CMSS1: variants seen among roughly 807,000 people sequenced by gnomAD.
The protein encoded by CMSS1 is protein CMSS1.
CMSS1 carries 33 observed loss-of-function variants against 43.5 expected under a neutral mutation model. The ratio of observed to expected loss-of-function variants is 0.76; its 90% CI spans 0.57 to 1.01. The LOEUF (loss-of-function observed/expected upper bound fraction) is 1.01, where lower values mean the gene tolerates loss of function less well. CMSS1 is among the 50% of genes least tolerant of loss of function. CMSS1 has a pLI of 0.00. For synonymous variants in CMSS1, 115 were observed against 117.2 expected (o/e 0.98, Z 0.12); for missense variants, 313 against 326.4 (o/e 0.96, Z 0.32).
Position 99,886,074 on chromosome 3 carries a change from A to T in CMSS1, c.64+68031A>T, listed in dbSNP as rs535894145. Reference sequence around the variant, plus strand: ...TACACTTTCCTTTCTATATCAAGGAAGGTGGAATATTCAAACAGAACACTC... The same window carrying T: ...TACACTTTCCTTTCTATATCAAGGATGGTGGAATATTCAAACAGAACACTC... On this transcript the variant is annotated intron_variant, in intron 1 of 9. Coordinates refer to ENST00000421999, the MANE Select transcript of CMSS1 (RefSeq NM_032359.4). Among the ~76,000 whole-genome samples, 14 of 152,378 alleles carry T rather than the reference A, an allele frequency of 9.2e-5. No individual in the cohort carries two copies. The South Asian group carries it at 2.1e-3, about 23-fold the overall frequency.
intron 1 of CMSS1, among the ~76,000 whole-genome samples, chr3:99,865,205 G>A (rs1157650125): frequency 3.9e-5 from 6 of 152,086 alleles, no homozygotes; most frequent in South Asian, 2.1e-4. Flanking sequence ...AGGTATTACC[G>A]TCTTCTTATT....
intron 1 of CMSS1, among the ~76,000 whole-genome samples, chr3:100,053,402 C>T (rs1327135238): frequency 6.6e-6 from 1 of 152,138 alleles, no homozygotes; most frequent in Non-Finnish European, 1.5e-5. Flanking sequence ...CCTTGGCATT[C>T]CTTGGCTTGT....
intron 1 of CMSS1, among the ~76,000 whole-genome samples, chr3:99,998,430 T>C (rs1193605987): frequency 1.3e-5 from 2 of 152,208 alleles, no homozygotes; most frequent in African/African-American, 4.8e-5. Context: ...GTAAACTATA[T>C]ATACGTACTC....
chr3:99,910,339 G>C lies in CMSS1; in HGVS notation c.64+92296G>C, dbSNP rs1201506022. 1.5e-5 allele frequency among the ~76,000 whole-genome samples: 2 copies of C among 136,806 alleles called. 1 individual carries two copies. Among genetic ancestry groups the C allele is most frequent in the Non-Finnish European group, 3.3e-5 (2 of 59,796 alleles). The allele number at this position is 136,806 out of a possible 152,430, so 89.8% of individuals were successfully genotyped here. ...GGTTTGGGACACACTGACTCACACT[G>C]TCGACTGATAGAATGCAAACACATT... On this transcript the variant is annotated intron_variant, in intron 1 of 9. Transcript: ENST00000421999.
chr3:99,919,338 G>T (rs934967575), intron 1 of CMSS1, among the ~76,000 whole-genome samples: 1 of 151,010 alleles, frequency 6.6e-6, no homozygotes, highest in African/African-American at 2.4e-5. Context: ...AAAGCCTGCA[G>T]TGGTGTCTTT....
At chr3:100,067,170 T>TGTTG (rs1269959110) in intron 1 of CMSS1, among the ~76,000 whole-genome samples, 1 of 147,992 alleles carries the variant, frequency 6.8e-6, no homozygotes, top group Non-Finnish European at 1.5e-5. Context: ...TGATCTCGTT[T>TGTTG]GTTTGTTTGT....
At chr3:99,986,967 G>A (rs1403002074) in intron 1 of CMSS1, among the ~76,000 whole-genome samples, 1 of 145,552 alleles carries the variant, frequency 6.9e-6, no homozygotes, top group South Asian at 2.3e-4. Context: ...AGTGGCTCAT[G>A]CCTATAATCC....
intron 1 of CMSS1, among the ~76,000 whole-genome samples, chr3:100,058,845 G>A (rs1223135975): frequency 6.6e-6 from 1 of 152,204 alleles, no homozygotes; most frequent in East Asian, 1.9e-4. Flanking sequence ...TTAAAATAAA[G>A]TTTAGTAGTT....
intron 1 of CMSS1, among the ~76,000 whole-genome samples, chr3:100,052,314 C>T (rs868857584): frequency 3.3e-4 from 50 of 152,190 alleles, no homozygotes; most frequent in African/African-American, 1.1e-3. Flanking sequence ...GAGCAATAAC[C>T]TTCTTATTGA....
At chr3:99,929,888 G>A in intron 1 of CMSS1, 1 of 1,613,638 alleles carries the variant, frequency 6.2e-7, no homozygotes, top group African/African-American at 1.3e-5. Context: ...ATGTCCTCCT[G>A]CCAAGGGGTA....
chr3:100,102,573 T>C (rs1411355290), intron 1 of CMSS1, among the ~76,000 whole-genome samples: 1 of 152,158 alleles, frequency 6.6e-6, no homozygotes, highest in African/African-American at 2.4e-5. Flanking sequence ...TTGTTTTATA[T>C]TTTTTGTGTT....
intron 1 of CMSS1, among the ~76,000 whole-genome samples, chr3:100,003,085 G>A (rs1179689768): frequency 6.6e-6 from 1 of 152,072 alleles, no homozygotes; most frequent in Non-Finnish European, 1.5e-5. Flanking sequence ...CACATACTGA[G>A]GTACTGCCAT....
At chr3:100,017,947 AT>A (rs1160369034) in intron 1 of CMSS1, among the ~76,000 whole-genome samples, 1 of 152,148 alleles carries the variant, frequency 6.6e-6, no homozygotes, top group Non-Finnish European at 1.5e-5. Flanking sequence ...AGCCTCCATA[AT>A]TGCCTGGAGC....
chr3:100,011,164 G>T (rs918216667), intron 1 of CMSS1, among the ~76,000 whole-genome samples: 4 of 152,018 alleles, frequency 2.6e-5, no homozygotes, highest in Non-Finnish European at 5.9e-5. Context: ...TTCCCTAATG[G>T]TTCTGGATCT....
In CMSS1 at chr3:100,151,614, C is replaced by T. The variant is rs1392701291; in HGVS notation, c.153+4553C>T. On this transcript the variant is annotated intron_variant, in intron 2 of 9. Transcript: ENST00000421999. ...TAGTTTATTCTCAGAGTTGACACCTCGTCACTTCTGCCATATTAAGCGAGT... is the reference window on the plus strand; with the variant it reads ...TAGTTTATTCTCAGAGTTGACACCTTGTCACTTCTGCCATATTAAGCGAGT... Among the ~76,000 whole-genome samples, 8 of 152,278 alleles carry T rather than the reference C, an allele frequency of 5.3e-5. No individual in the cohort carries two copies. In the East Asian group the frequency reaches 1.2e-3, roughly 22 times the overall value.
At chr3:99,952,647 AAG>A (rs1708210670) in intron 1 of CMSS1, among the ~76,000 whole-genome samples, 1 of 152,212 alleles carries the variant, frequency 6.6e-6, no homozygotes, top group Admixed American at 6.5e-5. Context: ...CACAGAGAGA[AAG>A]AGAGCACTGT....
At chr3:99,859,345 A>C (rs1944127585) in intron 1 of CMSS1, among the ~76,000 whole-genome samples, 1 of 152,256 alleles carries the variant, frequency 6.6e-6, no homozygotes. Flanking sequence ...TCTCCCAGTA[A>C]CAACCAAATA....
chr3:99,923,087 TCCA>T (rs1227727244), intron 1 of CMSS1, among the ~76,000 whole-genome samples: 1 of 152,072 alleles, frequency 6.6e-6, no homozygotes, highest in Non-Finnish European at 1.5e-5. Flanking sequence ...CTTCTAAGCT[TCCA>T]CCATTTTTTT....
At chr3:99,967,993 G>GTATT (rs1708703532) in intron 1 of CMSS1, among the ~76,000 whole-genome samples, 1 of 152,194 alleles carries the variant, frequency 6.6e-6, no homozygotes, top group Non-Finnish European at 1.5e-5. Flanking sequence ...TCTCAAACAT[G>GTATT]TATTACTCAT....
Sources: gnomAD v4.1 joint callset for allele counts (sites outside exome capture counted in the v4.1 genomes callset) on GRCh38, gnomAD v4.1.1 for gene constraint, MANE v1.5 for transcripts, NCBI Gene and HGNC (gene_info 2026-07-23, HGNC 2026-07-21) for gene names.